Variants in CDH4 observed in about 807,000 individuals in gnomAD.
CDH4 encodes the protein cadherin-4.
Under a neutral mutation model 86.0 loss-of-function variants are expected in CDH4, and 33 were observed. The ratio of observed to expected loss-of-function variants is 0.38; its 90% CI spans 0.29 to 0.51. The LOEUF is 0.51. Among genes scored for constraint, CDH4 ranks in the 20% least tolerant of loss-of-function variants. The pLI, the probability that CDH4 is intolerant of heterozygous loss-of-function variation, is 0.86. For missense variants in CDH4, 1,114 were observed against 1,307.4 expected (o/e 0.85, Z 2.28); for synonymous variants, 555 against 549.4 (o/e 1.01, Z -0.14).
chr20:61,495,905 A>C (rs1390607983), intron 2 of CDH4, among the ~76,000 whole-genome samples: 2 of 150,066 alleles, frequency 1.3e-5, no homozygotes, highest in Non-Finnish European at 3.0e-5. Flanking sequence ...TCCATCTCAA[A>C]AAAAAAAAAA....
intron 2 of CDH4, among the ~76,000 whole-genome samples, chr20:61,545,189 T>G (rs1180361455): frequency 6.6e-6 from 1 of 152,260 alleles, no homozygotes; most frequent in Admixed American, 6.5e-5. Context: ...GGCTGTTTAC[T>G]GCTCCCATGT....
intron 2 of CDH4, among the ~76,000 whole-genome samples, chr20:61,519,936 C>T (rs940560436): frequency 3.9e-5 from 6 of 152,332 alleles, no homozygotes; most frequent in African/African-American, 1.4e-4. Context: ...ACTCTGCCCA[C>T]CAACTGCTGG....
At chr20:61,276,112 G>A (rs536855062) in intron 2 of CDH4, among the ~76,000 whole-genome samples, 1 of 152,250 alleles carries the variant, frequency 6.6e-6, no homozygotes, top group Non-Finnish European at 1.5e-5. Flanking sequence ...TAAGTCTAGT[G>A]CTTTACAATG....
rs1184299932 is a variant in CDH4 at position 61,902,821 on chromosome 20, A to G, written c.1189-7601A>G. On this transcript the variant is annotated intron_variant, in intron 8 of 15. Coordinates refer to ENST00000614565, the MANE Select transcript of CDH4 (RefSeq NM_001794.5). This position sits in a 1 kb window ranked among gnomAD's most constrained non-coding sequence, Gnocchi z 4.6. ...ATTGCAGACGTCTAAGTATGAGGTCAGCGCCTCGTCACCACCTGTCTCAGA... is the reference window on the plus strand; with the variant it reads ...ATTGCAGACGTCTAAGTATGAGGTCGGCGCCTCGTCACCACCTGTCTCAGA... Among the ~76,000 whole-genome samples the G allele has an allele frequency of 6.6e-6, 1 of 152,174 alleles. No individual in the cohort carries two copies. The highest frequency in any genetic ancestry group is 1.5e-5 in the Non-Finnish European group (1 of 68,034).
intron 2 of CDH4, among the ~76,000 whole-genome samples, chr20:61,568,782 C>G (rs1015289698): frequency 1.3e-5 from 2 of 152,216 alleles, no homozygotes; most frequent in African/African-American, 2.4e-5. Context: ...CTGTGCTCTT[C>G]CCTCCAAGAT....
chr20:61,861,910 G>A (rs776292628), intron 6 of CDH4, among the ~76,000 whole-genome samples: 18 of 152,294 alleles, frequency 1.2e-4, no homozygotes, highest in Admixed American at 9.8e-4. Flanking sequence ...CTCCAGAAGC[G>A]CACTGTCCCG....
At chr20:61,869,217 A>G (rs1378711793) in intron 6 of CDH4, among the ~76,000 whole-genome samples, 1 of 152,198 alleles carries the variant, frequency 6.6e-6, no homozygotes, top group Non-Finnish European at 1.5e-5. Context: ...GTATTTTTAA[A>G]AACCAATGTT....
intron 2 of CDH4, among the ~76,000 whole-genome samples, chr20:61,313,902 A>T (rs1180002813): frequency 6.6e-6 from 1 of 152,056 alleles, no homozygotes; most frequent in Non-Finnish European, 1.5e-5. Flanking sequence ...ATGCCCAGCT[A>T]ATTTTTGTTT....
At chr20:61,588,413 G>C (rs1461244822) in intron 2 of CDH4, among the ~76,000 whole-genome samples, 1 of 152,192 alleles carries the variant, frequency 6.6e-6, no homozygotes, top group Non-Finnish European at 1.5e-5. Context: ...TCTCTGTTCT[G>C]TTCAGCTCGT....
intron 2 of CDH4, among the ~76,000 whole-genome samples, chr20:61,439,888 A>G (rs1412850722): frequency 2.6e-5 from 4 of 152,206 alleles, no homozygotes; most frequent in Non-Finnish European, 5.9e-5. Context: ...GATATTGGGG[A>G]AAAAAGGCAT....
chr20:61,926,055 G>T (rs4925314), intron 11 of CDH4, among the ~76,000 whole-genome samples: 3 of 152,064 alleles, frequency 2.0e-5, no homozygotes, highest in Admixed American at 2.0e-4. Flanking sequence ...AACAGAAAAT[G>T]GATATTGGGG....
intron 2 of CDH4, among the ~76,000 whole-genome samples, chr20:61,535,705 AC>A (rs1444513195): frequency 6.6e-6 from 1 of 151,882 alleles, no homozygotes; most frequent in African/African-American, 2.4e-5. Context: ...CGGGCTGCAT[AC>A]CCCTGAGCCT....
At chr20:61,586,906 C>T (rs1283922083) in intron 2 of CDH4, among the ~76,000 whole-genome samples, 1 of 152,176 alleles carries the variant, frequency 6.6e-6, no homozygotes, top group African/African-American at 2.4e-5. Flanking sequence ...ATCCGAGTAC[C>T]TACTGTGTAC....
chr20:61,310,290 G>A (rs1479466527), intron 2 of CDH4, among the ~76,000 whole-genome samples: 8 of 152,142 alleles, frequency 5.3e-5, no homozygotes, highest in Non-Finnish European at 8.8e-5. Flanking sequence ...AGCTCATGCT[G>A]CCATACTAAG....
chr20:61,712,936 A>G (rs956378182), intron 2 of CDH4, among the ~76,000 whole-genome samples: 2 of 152,138 alleles, frequency 1.3e-5, no homozygotes, highest in Non-Finnish European at 2.9e-5. Context: ...TTAATGTGCT[A>G]ATAGAGACAA....
intron 2 of CDH4, among the ~76,000 whole-genome samples, chr20:61,472,158 T>C (rs1006280198): frequency 6.6e-6 from 1 of 152,242 alleles, no homozygotes; most frequent in Non-Finnish European, 1.5e-5. Context: ...CCTCTGATAA[T>C]ATTTGCTTTA....
intron 4 of CDH4, among the ~76,000 whole-genome samples, chr20:61,798,776 G>A (rs1979681941): frequency 6.6e-6 from 1 of 152,252 alleles, no homozygotes; most frequent in Non-Finnish European, 1.5e-5. Context: ...GCAGCCCCAG[G>A]TGCCAGTGGT....
chr20:61,300,785 T>C lies in CDH4; in HGVS notation c.169+45848T>C, dbSNP rs116523388. On this transcript the variant is annotated intron_variant, in intron 2 of 15. Coordinates refer to ENST00000614565, the MANE Select transcript of CDH4 (RefSeq NM_001794.5). ...CAGTCTCTTCTACTCCCAGGACAAC[T>C]GTCTGTTTAGGTGGAAAAACATTGG... Among the ~76,000 whole-genome samples, 1,362 of 152,288 alleles carry C rather than the reference T, an allele frequency of 8.9e-3. 25 individuals are homozygous for C. The highest frequency in any genetic ancestry group is 0.031 in the African/African-American group (1,302 of 41,550).
chr20:61,521,284 C>A (rs2085867018), intron 2 of CDH4, among the ~76,000 whole-genome samples: 1 of 152,156 alleles, frequency 6.6e-6, no homozygotes, highest in South Asian at 2.1e-4. Flanking sequence ...ACAGGAACGG[C>A]CTCTGAGAGG....
Sources: gnomAD v4.1 joint callset for allele counts (sites outside exome capture counted in the v4.1 genomes callset) on GRCh38, gnomAD v4.1.1 for gene constraint, Gnocchi (gnomAD v3.1) non-coding constraint, MANE v1.5 for transcripts, NCBI Gene and HGNC (gene_info 2026-07-23, HGNC 2026-07-21) for gene names.